FBXL13: variants seen among roughly 807,000 people sequenced by gnomAD.
FBXL13 encodes F-box and leucine-rich repeat protein 13.
FBXL13 carries 67 observed loss-of-function variants against 83.6 expected under a neutral mutation model. The ratio of observed to expected loss-of-function variants is 0.80; its 90% CI spans 0.66 to 0.98. The LOEUF (loss-of-function observed/expected upper bound fraction) is 0.98, where lower values mean the gene tolerates loss of function less well. Ranked by LOEUF, FBXL13 falls within the 50% of genes least tolerant of loss-of-function variation. FBXL13 has a pLI of 0.00. For missense variants in FBXL13, 822 were observed against 866.5 expected (o/e 0.95, Z 0.64); for synonymous variants, 272 against 299.5 (o/e 0.91, Z 0.95).
At chr7:102,896,264 G>T (rs1812237289) in intron 11 of FBXL13, among the ~76,000 whole-genome samples, 1 of 152,194 alleles carries the variant, frequency 6.6e-6, no homozygotes. Flanking sequence ...GGTTTTTAAA[G>T]GATGCCTCTA....
intron 16 of FBXL13, among the ~76,000 whole-genome samples, chr7:102,860,219 G>T (rs1430396566): frequency 6.6e-6 from 1 of 152,128 alleles, no homozygotes; most frequent in Non-Finnish European, 1.5e-5. Flanking sequence ...CTATAATGAG[G>T]TTCCTTATGT....
intron 6 of FBXL13, among the ~76,000 whole-genome samples, chr7:102,980,508 TG>T (rs1272040072): frequency 1.3e-5 from 2 of 152,230 alleles, no homozygotes; most frequent in African/African-American, 4.8e-5. Flanking sequence ...CCGGGTGCGG[TG>T]GCTTACGCCT....
intron 8 of FBXL13, among the ~76,000 whole-genome samples, chr7:102,939,126 T>C (rs757827447): frequency 1.2e-4 from 18 of 152,230 alleles, no homozygotes; most frequent in Non-Finnish European, 2.6e-4. Flanking sequence ...CAGGCTGCTT[T>C]CTAGAACCTA....
At position 102,931,952 on chromosome 7, in the gene FBXL13, A is replaced by G; in HGVS notation, c.725-19T>C. The G allele has an allele frequency of 6.2e-7, 1 of 1,610,384 alleles. No homozygotes were observed. Among genetic ancestry groups the G allele is most frequent in the Non-Finnish European group, 8.5e-7 (1 of 1,177,604 alleles). The stretch of plus-strand genomic sequence containing the variant: ...CAGTGGCCTAAATCAAATAAGTTAC[A>G]CGTCACTAAACTACATATTGCAAAT... On this transcript the variant is annotated intron_variant, in intron 8 of 19. Coordinates refer to ENST00000313221, the Ensembl canonical transcript of FBXL13.
At position 102,883,576 on chromosome 7, in the gene FBXL13, CG is replaced by C; in HGVS notation, c.1216del (p.Arg406AspfsTer16). On this transcript the variant is annotated frameshift_variant, in exon 13 of 20. Coordinates refer to ENST00000313221, the Ensembl canonical transcript of FBXL13. LOFTEE classifies it high-confidence loss of function. ...TTTTTAATATAACAGACCTTCAAAT[CG>C]GATCTTTCTGAGTTTACAAGCAGAA... 6.2e-7 allele frequency: 1 copy of C among 1,606,484 alleles called. No homozygotes were observed. Among genetic ancestry groups the C allele is most frequent in the Non-Finnish European group, 8.5e-7 (1 of 1,174,286 alleles).
chr7:102,875,398 G>C (rs1427811177), intron 16 of FBXL13, among the ~76,000 whole-genome samples: 5 of 152,070 alleles, frequency 3.3e-5, no homozygotes, highest in African/African-American at 1.2e-4. Context: ...GGGAAAAGAG[G>C]AGGGGAGGGG....
At chr7:102,952,255 G>T (rs907291889) in intron 8 of FBXL13, among the ~76,000 whole-genome samples, 1 of 152,146 alleles carries the variant, frequency 6.6e-6, no homozygotes, top group African/African-American at 2.4e-5. Flanking sequence ...AGATGAAAAA[G>T]TTCTGGAGAT....
At chr7:103,040,883 T>C (rs999826204) in intron 2 of FBXL13, among the ~76,000 whole-genome samples, 4 of 151,982 alleles carry the variant, frequency 2.6e-5, no homozygotes, top group Admixed American at 2.0e-4. Context: ...GCAGGAAAGA[T>C]CTAAAATCGA....
Position 102,818,838 on chromosome 7 carries a change from G to A in FBXL13, c.2018+3202C>T, listed in dbSNP as rs191140618. Among the ~76,000 whole-genome samples, 3 of 152,266 alleles carry A rather than the reference G, an allele frequency of 2.0e-5. 1 individual carries two copies. The highest frequency in any genetic ancestry group is 2.0e-4 in the Admixed American group (3 of 15,300). ...CAGGAGTACATGTACAAGATGTACA[G>A]GTTTGTGACATAGGTAAACGTGTGC... On this transcript the variant is annotated intron_variant, in intron 19 of 19. Transcript: ENST00000313221.
downstream of FBXL13, among the ~76,000 whole-genome samples, chr7:102,812,748 T>TCATATAAC (rs558224049): frequency 1.9e-4 from 29 of 152,190 alleles, 1 homozygote; most frequent in South Asian, 5.6e-3. Context: ...CAGGGTTGTT[T>TCATATAAC]CATATAACTG....
intron 11 of FBXL13, among the ~76,000 whole-genome samples, chr7:102,912,385 G>A (rs1310661588): frequency 6.6e-6 from 1 of 151,998 alleles, no homozygotes; most frequent in African/African-American, 2.4e-5. Context: ...AATACACAGA[G>A]AGGCAGAAGA....
At chr7:103,049,614 C>T (rs1228878381) in intron 2 of FBXL13, among the ~76,000 whole-genome samples, 1 of 152,152 alleles carries the variant, frequency 6.6e-6, no homozygotes, top group Non-Finnish European at 1.5e-5. Flanking sequence ...GGGTGGAGTC[C>T]TCGCAAGAAC....
chr7:102,874,339 T>C (rs1808938165), intron 16 of FBXL13: 2 of 985,414 alleles, frequency 2.0e-6, no homozygotes, highest in Non-Finnish European at 2.4e-6. Context: ...TCCTCAGCTG[T>C]TGTAGCACTG....
chr7:102,980,901 A>G (rs1377866674), intron 6 of FBXL13, among the ~76,000 whole-genome samples: 1 of 139,126 alleles, frequency 7.2e-6, no homozygotes, highest in Non-Finnish European at 1.5e-5. Context: ...AAAAATAAAT[A>G]AGAGTTCATC....
chr7:102,915,270 T>C (rs1815620064), intron 10 of FBXL13, among the ~76,000 whole-genome samples: 1 of 151,932 alleles, frequency 6.6e-6, no homozygotes, highest in Non-Finnish European at 1.5e-5. Flanking sequence ...GAAGTAACAG[T>C]ATTATCTTGA....
At chr7:102,855,896 C>T (rs1393323413) in intron 16 of FBXL13, among the ~76,000 whole-genome samples, 2 of 145,368 alleles carry the variant, frequency 1.4e-5, no homozygotes, top group Non-Finnish European at 3.0e-5. Context: ...TGGGCCTTCT[C>T]ATAAAAAAAA....
chr7:103,039,598 G>A (rs1284739891), intron 2 of FBXL13, among the ~76,000 whole-genome samples: 1 of 152,050 alleles, frequency 6.6e-6, no homozygotes, highest in Non-Finnish European at 1.5e-5. Context: ...TACCCACAAA[G>A]GGAAGCACAT....
intron 17 of FBXL13, among the ~76,000 whole-genome samples, chr7:102,847,595 C>T (rs753425521): frequency 6.6e-6 from 1 of 151,190 alleles, no homozygotes; most frequent in Non-Finnish European, 1.5e-5. Flanking sequence ...GGTGTGATCT[C>T]GGCTCACTGC....
chr7:102,990,070 T>C (rs1261860287), intron 6 of FBXL13, among the ~76,000 whole-genome samples: 3 of 152,210 alleles, frequency 2.0e-5, no homozygotes, highest in Non-Finnish European at 2.9e-5. Flanking sequence ...TTTAAAAGGT[T>C]AAAGTTTCCA....
Sources: gnomAD v4.1 joint callset for allele counts (sites outside exome capture counted in the v4.1 genomes callset) on GRCh38, gnomAD v4.1.1 for gene constraint, MANE v1.5 for transcripts, NCBI Gene and HGNC (gene_info 2026-07-23, HGNC 2026-07-21) for gene names.